Variants in USP49 observed in about 807,000 individuals in gnomAD.
USP49 encodes the protein ubiquitin carboxyl-terminal hydrolase 49.
USP49 carries 24 observed loss-of-function variants against 58.6 expected under a neutral mutation model. The ratio of observed to expected loss-of-function variants is 0.41; its 90% CI spans 0.30 to 0.58. The LOEUF (loss-of-function observed/expected upper bound fraction) is 0.58, where lower values mean the gene tolerates loss of function less well. Ranked by LOEUF, USP49 falls within the 20% of genes least tolerant of loss-of-function variation. The pLI, the probability that USP49 is intolerant of heterozygous loss-of-function variation, is 0.30. For missense variants in USP49, 703 were observed against 866.1 expected, an observed-to-expected ratio of 0.81 and a Z score of 2.36; for synonymous variants, 408 against 365.1, an observed-to-expected ratio of 1.12 and a Z score of -1.34.
intron 2 of USP49, among the ~76,000 whole-genome samples, chr6:41,878,868 A>C (rs897853766): frequency 6.6e-6 from 1 of 152,202 alleles, no homozygotes; most frequent in African/African-American, 2.4e-5. Context: ...CAGAGGGCCC[A>C]ATTTCATTAG....
At chr6:41,839,003 A>T (rs535521301) in intron 3 of USP49, among the ~76,000 whole-genome samples, 6 of 152,324 alleles carry the variant, frequency 3.9e-5, no homozygotes, top group African/African-American at 7.2e-5. Flanking sequence ...ATGGAAATTT[A>T]AAAAATTCTT....
intron 3 of USP49, among the ~76,000 whole-genome samples, chr6:41,843,679 G>A (rs1198760140): frequency 5.9e-5 from 9 of 152,098 alleles, no homozygotes; most frequent in Admixed American, 2.6e-4. Flanking sequence ...AGGCTAAGGC[G>A]GGCGGAGTTC....
Position 41,842,259 on chromosome 6 carries a change from G to C in USP49, c.-29+29305C>G, listed in dbSNP as rs1385934196. On this transcript the variant is annotated intron_variant, in intron 3 of 7. Coordinates refer to ENST00000682992, the MANE Select transcript of USP49 (RefSeq NM_001286554.2). The stretch of plus-strand genomic sequence containing the variant: ...GTGGTGGCTCACACCTATAGTCCCA[G>C]CTACTTGGGAGGCTGAGGCAGGAGA... Among the ~76,000 whole-genome samples the C allele has an allele frequency of 5.3e-5, 8 of 151,894 alleles. No individual in the cohort carries two copies. The South Asian group carries it at 1.7e-3, about 32-fold the overall frequency.
chr6:41,889,620 T>C (rs1384705456), intron 2 of USP49, among the ~76,000 whole-genome samples: 1 of 152,190 alleles, frequency 6.6e-6, no homozygotes, highest in South Asian at 2.1e-4. Context: ...AAACCCATCA[T>C]TCACAAGTGA....
At chr6:41,801,129 A>C (rs1424946660) in intron 5 of USP49, among the ~76,000 whole-genome samples, 1 of 152,264 alleles carries the variant, frequency 6.6e-6, no homozygotes, top group African/African-American at 2.4e-5. Context: ...TTCAGCAAAT[A>C]AATAATGGAA....
intron 5 of USP49, 30 bp from the exon 6 acceptor site, chr6:41,799,968 G>A (rs773202088): frequency 5.0e-6 from 8 of 1,598,868 alleles, no homozygotes; most frequent in Non-Finnish European, 6.9e-6. Context: ...ATAAGACATA[G>A]GTTGTGAGGA....
chr6:41,814,787 T>G (rs1773320264), intron 3 of USP49, among the ~76,000 whole-genome samples: 2 of 152,170 alleles, frequency 1.3e-5, no homozygotes, highest in Admixed American at 1.3e-4. Context: ...AATTCCAGCT[T>G]CAGAGAGTAG....
In USP49 at chr6:41,895,354, A is replaced by G. The variant is rs1582044913; in HGVS notation, c.-215T>C. The stretch of plus-strand genomic sequence containing the variant: ...TCATCAGCACGCGCGAGCTGTCACC[A>G]GGGCGCGAGACAACCGAACACGGCC... On this transcript the variant is annotated 5_prime_UTR_variant, in exon 1 of 8. Coordinates refer to ENST00000682992, the MANE Select transcript of USP49 (RefSeq NM_001286554.2). 1 of 123,266 alleles carries G rather than the reference A, an allele frequency of 8.1e-6. No homozygotes were observed. Among genetic ancestry groups the G allele is most frequent in the Admixed American group, 8.8e-5 (1 of 11,408 alleles). The allele number at this position is 123,266 out of a possible 1,614,324, so 7.6% of individuals were successfully genotyped here.
At chr6:41,841,770 C>A (rs1269825930) in intron 3 of USP49, among the ~76,000 whole-genome samples, 1 of 152,128 alleles carries the variant, frequency 6.6e-6, no homozygotes, top group African/African-American at 2.4e-5. Flanking sequence ...AAAAATGCAT[C>A]ATTTGGCCGG....
chr6:41,815,891 CATG>C (rs1343221528), intron 3 of USP49, among the ~76,000 whole-genome samples: 1 of 152,200 alleles, frequency 6.6e-6, no homozygotes, highest in African/African-American at 2.4e-5. Context: ...GTTATGCCAG[CATG>C]ATAATAGCTC....
chr6:41,872,469 T>C (rs1774428655), intron 2 of USP49, among the ~76,000 whole-genome samples: 1 of 152,198 alleles, frequency 6.6e-6, no homozygotes, highest in African/African-American at 2.4e-5. Flanking sequence ...TGTGCAACCA[T>C]CCAAGTATGA....
In USP49 at chr6:41,803,688, C is replaced by T. The variant is rs1021446168; in HGVS notation, c.1561+118G>A. On this transcript the variant is annotated intron_variant, in intron 5 of 7. Coordinates refer to ENST00000682992, the MANE Select transcript of USP49 (RefSeq NM_001286554.2). This position sits in a 1 kb window ranked among gnomAD's most constrained non-coding sequence, Gnocchi z 4.1. ...GGGAGAAAAAGATCTTTAAAAGATG[C>T]TTTAGAACCATTCAATATCATTAGT... is the stretch of plus-strand genomic sequence containing the variant. The T allele has an allele frequency of 1.5e-4, 173 of 1,128,028 alleles. No individual in the cohort carries two copies. In the South Asian group the frequency reaches 2.5e-3, roughly 16 times the overall value. The allele number at this position is 1,128,028 out of a possible 1,614,324, so 69.9% of individuals were successfully genotyped here. A position where few individuals can be genotyped will look rare whatever the true frequency, so the allele number is the denominator to read the frequency against.
Position 41,805,841 on chromosome 6 carries a change from C to T in USP49, c.1143G>A (p.Met381Ile). Residue 381 changes from methionine to isoleucine, a missense_variant, in exon 4 of 8, where the codon ATG becomes ATA. Physicochemically the swap from Met to Ile is conservative, Grantham distance 10. This residue lies in a region of USP49 where 66 missense variants were observed against 116.0 expected (regional missense o/e 0.57). Coordinates refer to ENST00000682992, the MANE Select transcript of USP49 (RefSeq NM_001286554.2). ...GKWALVSPFA[M>I]LHSVWSLIPA... Reference sequence around the variant, plus strand: ...GGATCAGGCTCCACACTGAGTGGAGCATGGCGAAGGGCGACACTAGGGCCC... The same window carrying T: ...GGATCAGGCTCCACACTGAGTGGAGTATGGCGAAGGGCGACACTAGGGCCC... 6.2e-7 allele frequency: 1 copy of T among 1,614,024 alleles called. No homozygotes were observed. Among genetic ancestry groups the T allele is most frequent in the Non-Finnish European group, 8.5e-7 (1 of 1,180,032 alleles).
chr6:41,850,985 G>A (rs1582020691), intron 3 of USP49, among the ~76,000 whole-genome samples: 1 of 152,074 alleles, frequency 6.6e-6, no homozygotes, highest in Non-Finnish European at 1.5e-5. Flanking sequence ...TGAGTAAGGA[G>A]ATTAAATCAG....
intron 3 of USP49, among the ~76,000 whole-genome samples, chr6:41,853,938 G>C (rs1320033616): frequency 1.4e-5 from 2 of 143,690 alleles, no homozygotes; most frequent in Non-Finnish European, 3.0e-5. Context: ...GGCGGAGGTT[G>C]AGGTGAGCCA....
rs12173686 is a variant in USP49, at chr6:41,893,007, G to T, written c.-184-1132C>A. Among the ~76,000 whole-genome samples the T allele has an allele frequency of 1.6e-3, 250 of 152,298 alleles. 5 individuals are homozygous for T. In the East Asian group the frequency reaches 0.043, roughly 26 times the overall value. On this transcript the variant is annotated intron_variant, in intron 1 of 7. Transcript: ENST00000682992. ...TATCTTCCTTTTCATTTCTAAAGGTGTCTTAAAAATCAAAAGCTTCTAGAA... is the reference window on the plus strand; with the variant it reads ...TATCTTCCTTTTCATTTCTAAAGGTTTCTTAAAAATCAAAAGCTTCTAGAA...
At chr6:41,861,790 C>T (rs1774228083) in intron 3 of USP49, among the ~76,000 whole-genome samples, 1 of 151,844 alleles carries the variant, frequency 6.6e-6, no homozygotes, top group Admixed American at 6.6e-5. Flanking sequence ...CCTCCACCTT[C>T]CTGGTTCAAG....
chr6:41,804,292 G>A (rs1773071274), intron 4 of USP49, among the ~76,000 whole-genome samples: 1 of 152,052 alleles, frequency 6.6e-6, no homozygotes, highest in African/African-American at 2.4e-5. Flanking sequence ...CCATTCAATA[G>A]TACAGTAGTA....
intron 7 of USP49, among the ~76,000 whole-genome samples, 152 bp from the exon 8 acceptor site, chr6:41,796,875 G>A (rs1772895116): frequency 1.3e-5 from 2 of 151,840 alleles, no homozygotes; most frequent in Admixed American, 1.3e-4. Flanking sequence ...AAATGAAACT[G>A]ACAGACTTTT....
Sources: gnomAD v4.1 joint callset for allele counts (sites outside exome capture counted in the v4.1 genomes callset) on GRCh38, gnomAD v4.1.1 for gene constraint, gnomAD v4.1.1 regional missense constraint, Gnocchi (gnomAD v3.1) non-coding constraint, MANE v1.5 for transcripts, NCBI Gene and HGNC (gene_info 2026-07-23, HGNC 2026-07-21) for gene names.